Variants in ZNF217 observed in about 807,000 individuals in gnomAD.
ZNF217 encodes zinc finger protein 217.
Under a neutral mutation model 73.3 loss-of-function variants are expected in ZNF217, and 12 were observed. That is an observed-to-expected ratio of 0.16 (90% CI 0.10 to 0.27). ZNF217 has a LOEUF of 0.27. Among genes scored for constraint, ZNF217 ranks in the 10% least tolerant of loss-of-function variants. The pLI, the probability that ZNF217 is intolerant of heterozygous loss-of-function variation, is 1.00. For missense variants in ZNF217, 1,195 were observed against 1,327.8 expected (o/e 0.90, Z 1.55); for synonymous variants, 588 against 516.4 (o/e 1.14, Z -1.88).
chr20:53,581,693 G>C lies in ZNF217; in HGVS notation c.1134C>G (p.Ser378=). 6.2e-7 allele frequency: 1 copy of C among 1,614,244 alleles called. No homozygotes were observed. The highest frequency in any genetic ancestry group is 8.5e-7 in the Non-Finnish European group (1 of 1,180,044). The part of the protein sequence containing the change: ...PSSKEKPTHC[S]ECGKAFRTYH... Reference sequence around the variant, plus strand: ...AGGTTCTGAAAGCTTTGCCGCACTCGGAGCAGTGAGTGGGCTTCTCCTTGC... The same window carrying C: ...AGGTTCTGAAAGCTTTGCCGCACTCCGAGCAGTGAGTGGGCTTCTCCTTGC... Residue 378 remains serine, a synonymous_variant, in exon 2 of 6, where the codon TCC becomes TCG. Coordinates refer to ENST00000371471, the MANE Select transcript of ZNF217 (RefSeq NM_006526.3). This position sits in a 1 kb window ranked among gnomAD's most constrained non-coding sequence, Gnocchi z 4.9.
intron 1 of ZNF217, among the ~76,000 whole-genome samples, chr20:53,592,776 A>T (rs565019065): frequency 1.3e-5 from 2 of 149,462 alleles, no homozygotes; most frequent in East Asian, 4.0e-4. Context: ...GAGAGACAAG[A>T]GGGCTGTGCC....
rs931786813 is a variant in ZNF217, at chr20:53,581,374, T to A, written c.1366+87A>T. ...CTCCAAACCCCATTCCTGGCCAGCG[T>A]TGTCTGGAGATGGGAATAGAGAGGG... On this transcript the variant is annotated intron_variant, in intron 2 of 5. Coordinates refer to ENST00000371471, the MANE Select transcript of ZNF217 (RefSeq NM_006526.3). This position sits in a 1 kb window ranked among gnomAD's most constrained non-coding sequence, Gnocchi z 4.9. The A allele has an allele frequency of 9.3e-6, 14 of 1,498,214 alleles. No homozygotes were observed. The Admixed American group carries it at 1.1e-4, about 12-fold the overall frequency. The allele number at this position is 1,498,214 out of a possible 1,614,324, so 92.8% of individuals were successfully genotyped here.
chr20:53,594,116 G>A (rs1988988896), upstream of ZNF217, among the ~76,000 whole-genome samples: 1 of 149,224 alleles, frequency 6.7e-6, no homozygotes, highest in Admixed American at 6.7e-5. Context: ...CCTCGGGCGC[G>A]GGGCTAAGGT....
intron 2 of ZNF217, among the ~76,000 whole-genome samples, chr20:53,580,808 C>T (rs150691672): frequency 8.8e-4 from 134 of 152,194 alleles, no homozygotes; most frequent in African/African-American, 2.8e-3. Context: ...CAGCACCAAA[C>T]GGCTGCCCAA....
At chr20:53,575,638 G>A in intron 4 of ZNF217, 89 bp downstream of exon 4, 8 of 1,296,474 alleles carry the variant, frequency 6.2e-6, no homozygotes, top group Non-Finnish European at 8.2e-6. Flanking sequence ...CCCCACCCTT[G>A]GGAGTGGTAC....
chr20:53,592,334 T>C (rs190570506), intron 1 of ZNF217, among the ~76,000 whole-genome samples: 78 of 151,386 alleles, frequency 5.2e-4, no homozygotes, highest in African/African-American at 1.8e-3. Context: ...AATTTCGAGG[T>C]AGAACAATAC....
At chr20:53,589,611 A>G (rs1400805645) in intron 1 of ZNF217, among the ~76,000 whole-genome samples, 1 of 152,180 alleles carries the variant, frequency 6.6e-6, no homozygotes, top group African/African-American at 2.4e-5. Flanking sequence ...CTGTTCTTCC[A>G]CTTCCTTAAA....
At position 53,582,859 on chromosome 20, in the gene ZNF217, A is replaced by G; in HGVS notation, c.-33T>C. ...CAAAGTTCCGTTGGGCAATTTCTGG[A>G]GTTGGAATAAGGCCACTTGTAAGAC... On this transcript the variant is annotated 5_prime_UTR_variant, in exon 2 of 6. Transcript: ENST00000371471. This position sits in a 1 kb window ranked among gnomAD's most constrained non-coding sequence, Gnocchi z 4.8. 1.3e-6 allele frequency: 2 copies of G among 1,562,674 alleles called. No individual in the cohort carries two copies. The highest frequency in any genetic ancestry group is 1.7e-6 in the Non-Finnish European group (2 of 1,152,840).
chr20:53,593,146 G>C (rs1988941946), intron 1 of ZNF217, among the ~76,000 whole-genome samples: 1 of 152,044 alleles, frequency 6.6e-6, no homozygotes, highest in Non-Finnish European at 1.5e-5. Flanking sequence ...GCACCCGAGG[G>C]AGTCACGGGG....
upstream of ZNF217, among the ~76,000 whole-genome samples, chr20:53,597,170 A>C (rs1989056932): frequency 6.6e-6 from 1 of 152,134 alleles, no homozygotes; most frequent in South Asian, 2.1e-4. Context: ...CTCAGCCTTA[A>C]TTAGAAGAAC....
chr20:53,570,066 CAG>C (rs1987925976), intron 5 of ZNF217, among the ~76,000 whole-genome samples: 1 of 152,118 alleles, frequency 6.6e-6, no homozygotes, highest in Non-Finnish European at 1.5e-5. Flanking sequence ...TCAGAGCTCC[CAG>C]AGAGACACCA....
At chr20:53,589,540 T>C (rs948181621) in intron 1 of ZNF217, among the ~76,000 whole-genome samples, 1 of 152,216 alleles carries the variant, frequency 6.6e-6, no homozygotes, top group Non-Finnish European at 1.5e-5. Context: ...ATCTGGAAGA[T>C]AGATGTGTAC....
chr20:53,587,870 G>C (rs1988751503), intron 1 of ZNF217, among the ~76,000 whole-genome samples: 1 of 149,808 alleles, frequency 6.7e-6, no homozygotes, highest in South Asian at 2.1e-4. Context: ...CAATCAAAAA[G>C]CTACAGGTTT....
chr20:53,592,184 G>A (rs796083384), intron 1 of ZNF217, among the ~76,000 whole-genome samples: 3 of 152,260 alleles, frequency 2.0e-5, no homozygotes, highest in African/African-American at 7.2e-5. Flanking sequence ...TACGCTGTAG[G>A]ACACACAGTG....
rs115586698 is a variant in ZNF217, at chr20:53,573,520, T to G, written c.3038-1667A>C. Reference sequence around the variant, plus strand: ...CCCAGGCTGGAGTGCAACAGTGCAATCTAGACTTACTCACTGCAATCTGCG... The same window carrying G: ...CCCAGGCTGGAGTGCAACAGTGCAAGCTAGACTTACTCACTGCAATCTGCG... On this transcript the variant is annotated intron_variant, in intron 4 of 5. Coordinates refer to ENST00000371471, the MANE Select transcript of ZNF217 (RefSeq NM_006526.3). Among the ~76,000 whole-genome samples, 335 of 152,294 alleles carry G rather than the reference T, an allele frequency of 2.2e-3. 2 individuals are homozygous for G. The highest frequency in any genetic ancestry group is 7.7e-3 in the African/African-American group (318 of 41,568).
rs1988245505 is a variant in ZNF217 at position 53,576,006 on chromosome 20, G to A, written c.2758C>T (p.Leu920=). The change falls in exon 4 of 6, where the codon CTG becomes TTG. Residue 920 remains leucine, a synonymous_variant. Coordinates refer to ENST00000371471, the MANE Select transcript of ZNF217 (RefSeq NM_006526.3). The part of the protein sequence containing the change: ...AEFGEPLPKR[L]KSSVVALDVD... ...TCAAGGGCAACCACGCTGGACTTCA[G>A]TCTTTTTGGAAGGGGCTCACCAAAT... The A allele has an allele frequency of 3.7e-6, 6 of 1,614,120 alleles. No homozygotes were observed. The highest frequency in any genetic ancestry group is 5.1e-6 in the Non-Finnish European group (6 of 1,180,052).
chr20:53,585,870 G>A (rs959736371), intron 1 of ZNF217, among the ~76,000 whole-genome samples: 7 of 152,092 alleles, frequency 4.6e-5, no homozygotes, highest in Non-Finnish European at 1.0e-4. Context: ...AGATGGGGAA[G>A]GAAACCCTCC....
At chr20:53,573,892 G>A (rs183150215) in intron 4 of ZNF217, among the ~76,000 whole-genome samples, 30 of 152,170 alleles carry the variant, frequency 2.0e-4, no homozygotes, top group African/African-American at 7.2e-4. Context: ...CCAACATGGC[G>A]AAATGCCGTC....
In ZNF217 at chr20:53,589,945, C is replaced by T. The variant is rs548527658; in HGVS notation, c.-343+3811G>A. 1.0e-4 allele frequency among the ~76,000 whole-genome samples: 14 copies of T among 139,464 alleles called. 1 individual carries two copies. In the South Asian group the frequency reaches 3.3e-3, roughly 33 times the overall value. 91.5% of individuals were successfully genotyped at this position (139,464 alleles called of 152,430 possible). A position where few individuals can be genotyped will look rare whatever the true frequency, so the allele number is the denominator to read the frequency against. On this transcript the variant is annotated intron_variant, in intron 1 of 5. Coordinates refer to ENST00000371471, the MANE Select transcript of ZNF217 (RefSeq NM_006526.3). Reference sequence around the variant, plus strand: ...GAAGAGGTGTGCGGATCAAGACCCCCCCGCCCGCCATTGTCTCAAGTTTAA... The same window carrying T: ...GAAGAGGTGTGCGGATCAAGACCCCTCCGCCCGCCATTGTCTCAAGTTTAA...
Sources: allele counts gnomAD v4.1 joint callset (sites outside exome capture counted in the v4.1 genomes callset), GRCh38; gene constraint gnomAD v4.1.1; non-coding constraint Gnocchi (gnomAD v3.1); transcripts MANE v1.5; gene names NCBI Gene and HGNC (gene_info 2026-07-23, HGNC 2026-07-21).